Variants in HIVEP2 observed in about 807,000 individuals in gnomAD.
The protein encoded by HIVEP2 is HIVEP zinc finger 2.
Under a neutral mutation model 180.7 loss-of-function variants are expected in HIVEP2, and 14 were observed. The observed-to-expected ratio is 0.08, with a 90% CI of 0.05 to 0.12. The LOEUF (loss-of-function observed/expected upper bound fraction) is 0.12. HIVEP2 is among the 10% of genes least tolerant of loss of function. The pLI, the probability that HIVEP2 is intolerant of heterozygous loss-of-function variation, is 1.00. For missense variants in HIVEP2, 2,579 were observed against 3,008.5 expected (o/e 0.86, Z 3.34); for synonymous variants, 1,184 against 1,136.4 (o/e 1.04, Z -0.84).
intron 1 of HIVEP2, among the ~76,000 whole-genome samples, chr6:142,870,930 C>A (rs1438023132): frequency 2.0e-5 from 3 of 152,098 alleles, no homozygotes; most frequent in Non-Finnish European, 4.4e-5. Context: ...TGCTGAGAGC[C>A]AAGCAATGTA....
chr6:142,767,631 A>G lies in HIVEP2; in HGVS notation c.5342+751T>C, dbSNP rs115008861. ...TTCAAAATTTTTAAATTTTAGAAGC[A>G]TAAGTGTAGGCTTTTCCTTCTATGT... On this transcript the variant is annotated intron_variant, in intron 6 of 9. Coordinates refer to ENST00000367603, the MANE Select transcript of HIVEP2 (RefSeq NM_006734.4). 8.1e-3 allele frequency among the ~76,000 whole-genome samples: 1,236 copies of G among 152,368 alleles called. 16 individuals carry two copies. The highest frequency in any genetic ancestry group is 0.028 in the African/African-American group (1,181 of 41,584).
intron 1 of HIVEP2, among the ~76,000 whole-genome samples, chr6:142,903,104 C>T (rs1286432426): frequency 2.0e-5 from 3 of 152,178 alleles, no homozygotes; most frequent in Non-Finnish European, 4.4e-5. Flanking sequence ...TGCTAAACAA[C>T]ACACCATTAC....
chr6:142,818,117 T>G (rs1776892397), intron 2 of HIVEP2, among the ~76,000 whole-genome samples: 1 of 152,174 alleles, frequency 6.6e-6, no homozygotes, highest in Non-Finnish European at 1.5e-5. Context: ...ATTACCTCAT[T>G]GTTGCCACCA....
intron 1 of HIVEP2, among the ~76,000 whole-genome samples, chr6:142,846,468 A>G (rs141157191): frequency 4.3e-4 from 66 of 152,316 alleles, no homozygotes; most frequent in African/African-American, 1.5e-3. Context: ...AGTACTTAAG[A>G]TCATTTAAAT....
Position 142,894,402 on chromosome 6 carries a change from T to C in HIVEP2, c.-641+50697A>G, listed in dbSNP as rs9390027. ...ATGTCAACAGGTTAACTTCCCAAAGTTTGACTGTTCAAGAGCACAGGGGCC... is the reference window on the plus strand; with the variant it reads ...ATGTCAACAGGTTAACTTCCCAAAGCTTGACTGTTCAAGAGCACAGGGGCC... On this transcript the variant is annotated intron_variant, in intron 1 of 9. Coordinates refer to ENST00000367603, the MANE Select transcript of HIVEP2 (RefSeq NM_006734.4). Among the ~76,000 whole-genome samples, 1,841 of 152,316 alleles carry C rather than the reference T, an allele frequency of 0.012. 84 individuals are homozygous for C. In the East Asian group the frequency reaches 0.17, roughly 14 times the overall value.
intron 2 of HIVEP2, among the ~76,000 whole-genome samples, chr6:142,797,328 T>C (rs1776302347): frequency 6.6e-6 from 1 of 152,186 alleles, no homozygotes; most frequent in African/African-American, 2.4e-5. Context: ...TATTTAGTTC[T>C]AAATGATTTC....
At chr6:142,924,503 T>C (rs1186270028) in intron 1 of HIVEP2, among the ~76,000 whole-genome samples, 1 of 152,226 alleles carries the variant, frequency 6.6e-6, no homozygotes, top group African/African-American at 2.4e-5. Flanking sequence ...AATTCCAAGA[T>C]ACAATGGAAG....
intron 2 of HIVEP2, among the ~76,000 whole-genome samples, chr6:142,796,740 AT>A (rs1776287198): frequency 6.6e-6 from 1 of 152,162 alleles, no homozygotes; most frequent in Non-Finnish European, 1.5e-5. Context: ...GGTTTAAACT[AT>A]TGCATTAAAC....
At chr6:142,840,311 A>AT (rs1304891434) in intron 1 of HIVEP2, among the ~76,000 whole-genome samples, 1 of 150,802 alleles carries the variant, frequency 6.6e-6, no homozygotes, top group African/African-American at 2.4e-5. Context: ...TTTTTTTAAT[A>AT]TTTTTTTATT....
rs1775622213 is a variant in HIVEP2 at position 142,773,842 on chromosome 6, T to C, written c.897A>G (p.Pro299=). Residue 299 remains proline (P), a synonymous_variant, in exon 5 of 10, where the codon CCA becomes CCG. Coordinates refer to ENST00000367603, the MANE Select transcript of HIVEP2 (RefSeq NM_006734.4). ...AEASDKMSPG[P]PIPLDIASRG... is the part of the protein sequence containing the mutation. ...TGCTGGCAATGTCCAGTGGGATGGGTGGACCAGGACTCATTTTGTCAGAAG... is the reference window on the plus strand; with the variant it reads ...TGCTGGCAATGTCCAGTGGGATGGGCGGACCAGGACTCATTTTGTCAGAAG... The C allele has an allele frequency of 6.2e-7, 1 of 1,613,494 alleles. No homozygotes were observed.
chr6:142,895,034 T>G (rs1260953301), intron 1 of HIVEP2, among the ~76,000 whole-genome samples: 2 of 152,214 alleles, frequency 1.3e-5, no homozygotes, highest in African/African-American at 4.8e-5. Flanking sequence ...ACAGTCCTGC[T>G]CCATGACCAA....
intron 2 of HIVEP2, among the ~76,000 whole-genome samples, chr6:142,785,297 C>T (rs1168172037): frequency 1.2e-5 from 1 of 83,682 alleles, no homozygotes; most frequent in East Asian, 3.4e-4. Flanking sequence ...TAAAGTAAAG[C>T]ATGGCATTCC....
Position 142,753,848 on chromosome 6 carries a change from G to T in HIVEP2, c.6600C>A (p.Ser2200Arg), listed in dbSNP as rs766155616. The T allele has an allele frequency of 2.5e-5, 41 of 1,613,552 alleles. No homozygotes were observed. Among genetic ancestry groups the T allele is most frequent in the Non-Finnish European group, 3.5e-5 (41 of 1,179,590 alleles). The change falls in exon 10 of 10, where the codon AGC becomes AGA. Residue 2200 changes from serine (S) to arginine (R), a missense_variant. Ser to Arg is a moderately radical substitution (Grantham distance 110). This residue lies in a region of HIVEP2 where 660 missense variants were observed against 731.7 expected (regional missense o/e 0.90). Coordinates refer to ENST00000367603, the MANE Select transcript of HIVEP2 (RefSeq NM_006734.4). Reference sequence around the variant, plus strand: ...AGTCATTAGGACCCTCAGGGAAAAGGCTGGAGCCTGGATGTTCATAAGCAC... The same window carrying T: ...AGTCATTAGGACCCTCAGGGAAAAGTCTGGAGCCTGGATGTTCATAAGCAC... Reference protein sequence around the residue: ...QEGAYEHPGSSLFPEGPNDYV... With the variant: ...QEGAYEHPGSRLFPEGPNDYV...
chr6:142,850,144 A>G (rs1775612551), intron 1 of HIVEP2, among the ~76,000 whole-genome samples: 1 of 152,158 alleles, frequency 6.6e-6, no homozygotes. Flanking sequence ...AGCCATCAGG[A>G]TTATTGGTTT....
intron 1 of HIVEP2, among the ~76,000 whole-genome samples, chr6:142,874,819 T>C (rs1434268953): frequency 6.6e-6 from 1 of 152,124 alleles, no homozygotes; most frequent in Non-Finnish European, 1.5e-5. Context: ...ACGATAAGAA[T>C]TAAAACTGGC....
At chr6:142,919,323 G>C (rs1435672268) in intron 1 of HIVEP2, among the ~76,000 whole-genome samples, 2 of 152,172 alleles carry the variant, frequency 1.3e-5, no homozygotes, top group African/African-American at 4.8e-5. Flanking sequence ...CTTCCTGATA[G>C]TTGTTTTCTT....
intron 1 of HIVEP2, among the ~76,000 whole-genome samples, chr6:142,925,534 C>G (rs1777785398): frequency 6.6e-6 from 1 of 152,064 alleles, no homozygotes; most frequent in Non-Finnish European, 1.5e-5. Context: ...GAAAAGCTAC[C>G]CCAAAAAGAC....
At chr6:142,940,495 T>C (rs998843955) in intron 1 of HIVEP2, among the ~76,000 whole-genome samples, 17 of 152,122 alleles carry the variant, frequency 1.1e-4, no homozygotes, top group Non-Finnish European at 2.1e-4. Context: ...ACATGATCAT[T>C]TGGAGGGTCA....
chr6:142,877,575 C>T (rs1260548209), intron 1 of HIVEP2, among the ~76,000 whole-genome samples: 1 of 152,044 alleles, frequency 6.6e-6, no homozygotes, highest in Admixed American at 6.6e-5. Flanking sequence ...TATCTCATTC[C>T]AATGTATTGT....
Sources: gnomAD v4.1 joint callset for allele counts (sites outside exome capture counted in the v4.1 genomes callset) on GRCh38, gnomAD v4.1.1 for gene constraint, gnomAD v4.1.1 regional missense constraint, MANE v1.5 for transcripts, NCBI Gene and HGNC (gene_info 2026-07-23, HGNC 2026-07-21) for gene names.